CEP162: variants seen among roughly 807,000 people sequenced by gnomAD.
The protein encoded by CEP162 is centrosomal protein of 162 kDa.
CEP162 carries 141 observed loss-of-function variants against 169.2 expected under a neutral mutation model. The ratio of observed to expected loss-of-function variants is 0.83; its 90% confidence interval spans 0.73 to 0.96. The LOEUF is 0.96. CEP162 is among the 40% of genes least tolerant of loss of function. The probability of loss-of-function intolerance (pLI) is 0.00; values close to 1 mark genes in which losing one functional copy is unlikely to be tolerated. For synonymous variants in CEP162, 540 were observed against 526.4 expected (o/e 1.03, Z -0.35); for missense variants, 1,600 against 1,587.2 (o/e 1.01, Z -0.14).
intron 23 of CEP162, 25 bp from the exon 24 acceptor site, chr6:84,149,728 A>G: frequency 6.9e-7 from 1 of 1,456,458 alleles, no homozygotes; most frequent in Non-Finnish European, 9.1e-7. Flanking sequence ...AAAGAAAACC[A>G]CACATAAAAG....
chr6:84,224,391 A>G (rs531854242), intron 2 of CEP162, among the ~76,000 whole-genome samples: 40 of 152,276 alleles, frequency 2.6e-4, no homozygotes, highest in African/African-American at 9.4e-4. Flanking sequence ...GGGAAGGGGG[A>G]ACAAGGAGAT....
At chr6:84,154,298 A>G (rs899267604) in intron 22 of CEP162, among the ~76,000 whole-genome samples, 2 of 152,038 alleles carry the variant, frequency 1.3e-5, no homozygotes, top group Admixed American at 1.3e-4. Flanking sequence ...TAGACTCCAG[A>G]CATGTTATCA....
At chr6:84,216,027 A>G in intron 3 of CEP162, 105 bp from the exon 4 acceptor site, 1 of 1,337,882 alleles carries the variant, frequency 7.5e-7, no homozygotes, top group Non-Finnish European at 9.7e-7. Context: ...CACAGTAGCT[A>G]TAAAATAAAT....
At position 84,223,285 on chromosome 6, in the gene CEP162, G is replaced by A. The variant is rs1355732224; in HGVS notation, c.58-2114C>T. ...GGAAGCCGAGGTGGGCGGATCACGA[G>A]GTCAGGAGTTTGAGACCAGCCTGAC... is the stretch of plus-strand genomic sequence containing the variant. On this transcript the variant is annotated intron_variant, in intron 2 of 26. Coordinates refer to ENST00000403245, the MANE Select transcript of CEP162 (RefSeq NM_014895.4). Among the ~76,000 whole-genome samples the A allele has an allele frequency of 2.6e-5, 4 of 151,880 alleles. No homozygotes were observed. In the East Asian group the frequency reaches 7.8e-4, roughly 30 times the overall value.
chr6:84,137,673 C>T (rs1562001914), intron 25 of CEP162, among the ~76,000 whole-genome samples: 1 of 152,110 alleles, frequency 6.6e-6, no homozygotes, highest in East Asian at 1.9e-4. Flanking sequence ...AGATTCATGT[C>T]TTTTCTCTAC....
intron 3 of CEP162, chr6:84,219,306 A>G (rs1216787073): frequency 2.3e-6 from 1 of 429,842 alleles, no homozygotes; most frequent in East Asian, 7.9e-5. Flanking sequence ...CCCGCTGTTT[A>G]AGCTGACATT....
chr6:84,175,044 T>C, intron 14 of CEP162, 90 bp from the exon 15 acceptor site: 1 of 962,740 alleles, frequency 1.0e-6, no homozygotes, highest in Non-Finnish European at 1.5e-6. Flanking sequence ...AAAAAGGACA[T>C]GGTTAATAAT....
chr6:84,179,520 T>C (rs1588807941), intron 13 of CEP162, among the ~76,000 whole-genome samples: 1 of 150,878 alleles, frequency 6.6e-6, no homozygotes, highest in African/African-American at 2.5e-5. Flanking sequence ...GATGGGGTTG[T>C]TTTTTTTCTT....
intron 25 of CEP162, among the ~76,000 whole-genome samples, chr6:84,141,275 G>A (rs971479542): frequency 6.6e-6 from 1 of 151,836 alleles, no homozygotes; most frequent in African/African-American, 2.4e-5. Context: ...AATTTTAAAG[G>A]GAGCATTCAT....
chr6:84,194,557 G>C (rs2099541331), intron 10 of CEP162, among the ~76,000 whole-genome samples: 1 of 151,536 alleles, frequency 6.6e-6, no homozygotes, highest in African/African-American at 2.4e-5. Flanking sequence ...GTGTTCAAGT[G>C]ATTCTCCTGC....
chr6:84,227,279 G>C (rs1025667385), intron 1 of CEP162, among the ~76,000 whole-genome samples: 1 of 152,140 alleles, frequency 6.6e-6, no homozygotes, highest in Non-Finnish European at 1.5e-5. Flanking sequence ...CCATCGTGCA[G>C]AGTAACACCT....
intron 9 of CEP162, among the ~76,000 whole-genome samples, chr6:84,199,197 C>G (rs1322107825): frequency 4.6e-5 from 7 of 152,072 alleles, no homozygotes; most frequent in Admixed American, 4.6e-4. Context: ...TTCCTTAAAT[C>G]AACAGCAGTA....
Position 84,193,618 on chromosome 6 carries a change from T to G in CEP162, c.1100A>C (p.Gln367Pro). The change falls in exon 11 of 27, where the codon CAA (glutamine) becomes CCA (proline). Residue 367 changes from glutamine (Q) to proline (P), a missense_variant. Coordinates refer to ENST00000403245, the MANE Select transcript of CEP162 (RefSeq NM_014895.4). ...AATAAAAAATTCATACCTGACAGGT[T>G]GTAAATCAAAACCACTGATCCCAAA... ...DSFGISGFDL[Q>P]PVSSEKVAER... The G allele has an allele frequency of 6.4e-7, 1 of 1,552,304 alleles. No homozygotes were observed. Among genetic ancestry groups the G allele is most frequent in the Non-Finnish European group, 8.7e-7 (1 of 1,144,842 alleles).
intron 6 of CEP162, among the ~76,000 whole-genome samples, chr6:84,210,485 T>C (rs560536770): frequency 6.6e-6 from 1 of 152,272 alleles, no homozygotes; most frequent in South Asian, 2.1e-4. Flanking sequence ...TAGCCTACAA[T>C]TACCTGAAGG....
chr6:84,182,535 A>C (rs536724348), intron 13 of CEP162, among the ~76,000 whole-genome samples: 1 of 152,218 alleles, frequency 6.6e-6, no homozygotes, highest in Non-Finnish European at 1.5e-5. Flanking sequence ...CAACGTACAT[A>C]AACGTACTCA....
chr6:84,201,917 C>T, intron 7 of CEP162, 150 bp from the exon 8 acceptor site: 2 of 501,390 alleles, frequency 4.0e-6, no homozygotes, highest in South Asian at 5.9e-5. Flanking sequence ...TCTTTCACCA[C>T]TGACTCTCAT....
At chr6:84,169,523 T>C in intron 17 of CEP162, 90 bp from the exon 18 acceptor site, 2 of 724,784 alleles carry the variant, frequency 2.8e-6, no homozygotes, top group Non-Finnish European at 4.4e-6. Context: ...AATTAAAAAC[T>C]AACATACATT....
At chr6:84,219,455 T>C (rs1218817295) in intron 3 of CEP162, among the ~76,000 whole-genome samples, 2 of 152,240 alleles carry the variant, frequency 1.3e-5, no homozygotes, top group East Asian at 3.8e-4. Flanking sequence ...TCTTTTCCTG[T>C]AGGATTAGGT....
In CEP162 at chr6:84,226,372, CT is replaced by C; in HGVS notation, c.21del (p.Glu8SerfsTer2). The C allele has an allele frequency of 8.3e-6, 13 of 1,569,192 alleles. No individual in the cohort carries two copies. Among genetic ancestry groups the C allele is most frequent in the Non-Finnish European group, 1.1e-5 (13 of 1,154,420 alleles). ...AACTGTTCAAACTCTTCATCTAGCT[CT>C]TCTTGGGAACAGTTAGCCATAGTCA... MANCSQ[E>X]ELDEEFEQFM... On this transcript the variant is annotated frameshift_variant, in exon 2 of 27. Transcript: ENST00000403245. LOFTEE classifies it high-confidence loss of function.
Sources: gnomAD v4.1 joint callset for allele counts (sites outside exome capture counted in the v4.1 genomes callset) on GRCh38, gnomAD v4.1.1 for gene constraint, MANE v1.5 for transcripts, NCBI Gene and HGNC (gene_info 2026-07-23, HGNC 2026-07-21) for gene names.